The following SPOCK1 variants were observed in gnomAD, a reference collection of about 807,000 sequenced individuals.
SPOCK1 encodes the protein SPARC (osteonectin), cwcv and kazal like domains proteoglycan 1, also known as testican-1.
In SPOCK1, 23 loss-of-function variants were observed where a neutral mutation model predicts 55.3. The ratio of observed to expected loss-of-function variants is 0.42; its 90% CI spans 0.30 to 0.59. The LOEUF (loss-of-function observed/expected upper bound fraction) is 0.59. SPOCK1 is among the 20% of genes least tolerant of loss of function. The pLI is 0.22. For missense variants in SPOCK1, 499 were observed against 552.5 expected (o/e 0.90, Z 0.97); for synonymous variants, 226 against 221.0 (o/e 1.02, Z -0.20).
chr5:137,131,327 C>CATAT (rs925605212), intron 4 of SPOCK1, among the ~76,000 whole-genome samples: 1 of 152,168 alleles, frequency 6.6e-6, no homozygotes, highest in African/African-American at 2.4e-5. Context: ...AAGATTATAT[C>CATAT]GGCCAGGCGT....
intron 6 of SPOCK1, among the ~76,000 whole-genome samples, chr5:137,001,201 T>G (rs771888504): frequency 1.8e-4 from 28 of 152,082 alleles, no homozygotes; most frequent in Non-Finnish European, 3.7e-4. Context: ...AGAATGCACT[T>G]AAGCACTCAG....
At chr5:137,194,583 T>C (rs1395135064) in intron 3 of SPOCK1, among the ~76,000 whole-genome samples, 1 of 152,082 alleles carries the variant, frequency 6.6e-6, no homozygotes, top group Non-Finnish European at 1.5e-5. Flanking sequence ...AAGGACGACA[T>C]GGAAAGCCCT....
rs143835788 is a variant in SPOCK1, at chr5:137,468,287, G to C, written c.186+30086C>G. 3.0e-3 allele frequency among the ~76,000 whole-genome samples: 459 copies of C among 152,314 alleles called. 1 individual carries two copies. The highest frequency in any genetic ancestry group is 0.024 in the South Asian group (117 of 4,826). On this transcript the variant is annotated intron_variant, in intron 2 of 10. Transcript: ENST00000394945. ...GATAGACTGAAACACTCAAAATAAA[G>C]ATGCTTTTCTTTTGATTCCCGTGCT...
At chr5:137,238,514 A>G (rs950686543) in intron 3 of SPOCK1, among the ~76,000 whole-genome samples, 1 of 36,012 alleles carries the variant, frequency 2.8e-5, no homozygotes, top group African/African-American at 1.5e-4. Context: ...AGCAAAAAAA[A>G]TTACCACATA....
At chr5:137,038,816 A>G (rs1751933020) in intron 6 of SPOCK1, among the ~76,000 whole-genome samples, 1 of 152,214 alleles carries the variant, frequency 6.6e-6, no homozygotes, top group South Asian at 2.1e-4. Context: ...AATTTAATAA[A>G]TTTATCAAGT....
At chr5:137,426,274 CT>C (rs1315700960) in intron 2 of SPOCK1, among the ~76,000 whole-genome samples, 6 of 152,152 alleles carry the variant, frequency 3.9e-5, no homozygotes, top group Non-Finnish European at 7.3e-5. Context: ...CATGGCATAA[CT>C]TTTTTACATA....
At chr5:137,317,140 G>A (rs1426345831) in intron 2 of SPOCK1, among the ~76,000 whole-genome samples, 1 of 152,220 alleles carries the variant, frequency 6.6e-6, no homozygotes, top group Non-Finnish European at 1.5e-5. Flanking sequence ...TGGCAGAGGT[G>A]AGTGCGGGTA....
intron 9 of SPOCK1, among the ~76,000 whole-genome samples, chr5:136,979,874 G>T (rs1475907822): frequency 1.3e-5 from 2 of 152,072 alleles, no homozygotes; most frequent in African/African-American, 4.8e-5. Flanking sequence ...TCTTCCCAAG[G>T]CATCTGCTAG....
intron 2 of SPOCK1, among the ~76,000 whole-genome samples, chr5:137,451,717 C>T (rs950005135): frequency 3.3e-4 from 50 of 152,316 alleles, no homozygotes; most frequent in African/African-American, 1.2e-3. Context: ...TTTATGCCTC[C>T]ACTTGAAATC....
intron 2 of SPOCK1, among the ~76,000 whole-genome samples, chr5:137,474,185 A>T (rs777062086): frequency 1.3e-5 from 2 of 152,178 alleles, no homozygotes; most frequent in Non-Finnish European, 2.9e-5. Flanking sequence ...AAGAAGTTAC[A>T]TAACCAAATA....
intron 2 of SPOCK1, among the ~76,000 whole-genome samples, chr5:137,389,429 C>T (rs1292133277): frequency 6.6e-6 from 1 of 152,230 alleles, no homozygotes; most frequent in Non-Finnish European, 1.5e-5. Context: ...CATCAGGGTT[C>T]AAGATGTCAT....
intron 6 of SPOCK1, among the ~76,000 whole-genome samples, chr5:137,006,266 A>G (rs1751244928): frequency 6.6e-6 from 1 of 152,200 alleles, no homozygotes; most frequent in African/African-American, 2.4e-5. Context: ...CTTGATGGGA[A>G]TAGCATTGAA....
chr5:137,282,023 T>C (rs1757173360), intron 2 of SPOCK1, among the ~76,000 whole-genome samples: 1 of 152,372 alleles, frequency 6.6e-6, no homozygotes, highest in African/African-American at 2.4e-5. Context: ...TTAACCTTCC[T>C]AGGCTTCAGT....
At chr5:137,473,188 A>C (rs1409219151) in intron 2 of SPOCK1, among the ~76,000 whole-genome samples, 1 of 152,228 alleles carries the variant, frequency 6.6e-6, no homozygotes, top group Non-Finnish European at 1.5e-5. Context: ...AATATGCCGG[A>C]AAATGTTCAA....
chr5:137,078,344 G>T (rs1352799315), intron 5 of SPOCK1, among the ~76,000 whole-genome samples: 3 of 152,164 alleles, frequency 2.0e-5, no homozygotes, highest in African/African-American at 7.2e-5. Context: ...TCCTTGCAGG[G>T]GACCCAGCCC....
intron 2 of SPOCK1, among the ~76,000 whole-genome samples, chr5:137,478,611 A>G (rs536187219): frequency 3.1e-4 from 47 of 152,322 alleles, no homozygotes; most frequent in Non-Finnish European, 5.4e-4. Context: ...GTGTTCAGTA[A>G]AAGTTCCACC....
At position 137,425,968 on chromosome 5, in the gene SPOCK1, A is replaced by T. The variant is rs1176983833; in HGVS notation, c.186+72405T>A. Among the ~76,000 whole-genome samples the T allele has an allele frequency of 4.6e-5, 7 of 151,662 alleles. No individual in the cohort carries two copies. In the East Asian group the frequency reaches 1.4e-3, roughly 29 times the overall value. ...ATTGTTAAGGGTACATTACAGAAAA[A>T]AAAAAAAAAAAAAAAGGTTGCCAGA... On this transcript the variant is annotated intron_variant, in intron 2 of 10. Coordinates refer to ENST00000394945, the MANE Select transcript of SPOCK1 (RefSeq NM_004598.4).
At chr5:137,216,758 A>G (rs1243577161) in intron 3 of SPOCK1, among the ~76,000 whole-genome samples, 1 of 152,204 alleles carries the variant, frequency 6.6e-6, no homozygotes, top group Non-Finnish European at 1.5e-5. Flanking sequence ...CAAGTATGAA[A>G]TAAGAGCAAG....
chr5:137,451,781 A>G (rs1451208968), intron 2 of SPOCK1, among the ~76,000 whole-genome samples: 1 of 152,222 alleles, frequency 6.6e-6, no homozygotes. Flanking sequence ...TGCCAGCAGA[A>G]TCCATTGATT....
Sources: gnomAD v4.1 joint callset for allele counts (sites outside exome capture counted in the v4.1 genomes callset) on GRCh38, gnomAD v4.1.1 for gene constraint, MANE v1.5 for transcripts, NCBI Gene and HGNC (gene_info 2026-07-23, HGNC 2026-07-21) for gene names.